The following CRY1 variants were observed in gnomAD, a reference collection of about 807,000 sequenced individuals.
CRY1 encodes cryptochrome-1.
Under a neutral mutation model 76.0 loss-of-function variants are expected in CRY1, and 45 were observed. The ratio of observed to expected loss-of-function variants is 0.59; its 90% CI spans 0.47 to 0.76. The LOEUF is 0.76. Among genes scored for constraint, CRY1 ranks in the 30% least tolerant of loss-of-function variants. The pLI, the probability that CRY1 is intolerant of heterozygous loss-of-function variation, is 0.00. For missense variants in CRY1, 587 were observed against 716.4 expected, an observed-to-expected ratio of 0.82 and a Z score of 2.06; for synonymous variants, 248 against 244.0, an observed-to-expected ratio of 1.02 and a Z score of -0.15.
At chr12:107,011,244 G>A (rs796308350) in intron 2 of CRY1, among the ~76,000 whole-genome samples, 12 of 152,254 alleles carry the variant, frequency 7.9e-5, no homozygotes, top group African/African-American at 2.9e-4. Context: ...CAGCTACTCG[G>A]GAGGCTGAGG....
At chr12:107,055,320 G>GA (rs531331335) in intron 1 of CRY1, among the ~76,000 whole-genome samples, 69 of 151,384 alleles carry the variant, frequency 4.6e-4, no homozygotes, top group African/African-American at 1.5e-3. Context: ...ACAGACCAAA[G>GA]AAAAAAATCA....
At chr12:107,021,748 AC>A (rs1226797433) in intron 2 of CRY1, among the ~76,000 whole-genome samples, 8 of 152,022 alleles carry the variant, frequency 5.3e-5, no homozygotes, top group Non-Finnish European at 7.4e-5. Context: ...ATATACACAC[AC>A]AAAAAATTCT....
chr12:107,079,435 A>C (rs1953296424), intron 1 of CRY1, among the ~76,000 whole-genome samples: 1 of 152,148 alleles, frequency 6.6e-6, no homozygotes. Flanking sequence ...ACATCTTCTG[A>C]GTCCTGGTAT....
intron 3 of CRY1, among the ~76,000 whole-genome samples, chr12:107,003,256 T>TA (rs1296897938): frequency 2.6e-5 from 4 of 152,180 alleles, no homozygotes; most frequent in Admixed American, 6.5e-5. Context: ...AATTATTAAT[T>TA]AAAAAAATAA....
chr12:106,992,920 T>A (rs1333126532), intron 11 of CRY1, 30 bp from the exon 12 acceptor site: 1 of 1,613,818 alleles, frequency 6.2e-7, no homozygotes, highest in South Asian at 1.1e-5. Context: ...ATGTTTAAGA[T>A]AGGAAAAGGA....
chr12:107,049,176 T>G (rs1251935123), intron 1 of CRY1, among the ~76,000 whole-genome samples: 1 of 152,206 alleles, frequency 6.6e-6, no homozygotes, highest in Non-Finnish European at 1.5e-5. Flanking sequence ...CCAGGGCTCC[T>G]CTTCCTTGTT....
intron 1 of CRY1, among the ~76,000 whole-genome samples, chr12:107,051,708 G>T (rs1952923322): frequency 6.6e-6 from 1 of 152,040 alleles, no homozygotes; most frequent in South Asian, 2.1e-4. Context: ...ATCTGTAATA[G>T]AAGTATATAT....
intron 2 of CRY1, among the ~76,000 whole-genome samples, chr12:107,016,493 A>C (rs1228822809): frequency 6.6e-6 from 1 of 152,248 alleles, no homozygotes; most frequent in Non-Finnish European, 1.5e-5. Context: ...TTAAATTGAC[A>C]GTAAATTAAA....
intron 1 of CRY1, among the ~76,000 whole-genome samples, chr12:107,045,495 T>C (rs1396294016): frequency 6.6e-6 from 1 of 152,232 alleles, no homozygotes; most frequent in South Asian, 2.1e-4. Context: ...CTGTCTCTAC[T>C]AAAAATACAA....
In CRY1 at chr12:107,093,160, A is replaced by T. The variant is rs1953497383; in HGVS notation, c.-199T>A. 1.0e-5 allele frequency: 6 copies of T among 592,622 alleles called. No individual in the cohort carries two copies. The highest frequency in any genetic ancestry group is 7.3e-5 in the Admixed American group (2 of 27,512). The allele number at this position is 592,622 out of a possible 1,614,324, so 36.7% of individuals were successfully genotyped here. On this transcript the variant is annotated 5_prime_UTR_variant, in exon 1 of 13. Transcript: ENST00000008527. ...GGAGGCGCAGTGGAAAGATGAATGG[A>T]GGTTGCCTAGTCGGCGGAGTCCGGG...
intron 1 of CRY1, among the ~76,000 whole-genome samples, chr12:107,026,145 C>CAT (rs1468272072): frequency 6.1e-5 from 4 of 66,056 alleles, no homozygotes; most frequent in South Asian, 9.7e-4. Flanking sequence ...ATATATATTA[C>CAT]ATATATATAT....
chr12:107,068,362 A>G (rs1250039118), intron 1 of CRY1, among the ~76,000 whole-genome samples: 1 of 152,122 alleles, frequency 6.6e-6, no homozygotes, highest in Non-Finnish European at 1.5e-5. Context: ...CAGTGCCATG[A>G]TCTTGGCTAA....
At chr12:107,069,724 T>A (rs1254151445) in intron 1 of CRY1, among the ~76,000 whole-genome samples, 1 of 145,552 alleles carries the variant, frequency 6.9e-6, no homozygotes, top group African/African-American at 2.5e-5. Context: ...ATATAAAGTA[T>A]ATATGTAATA....
intron 1 of CRY1, among the ~76,000 whole-genome samples, chr12:107,079,192 C>T (rs1054996979): frequency 6.6e-6 from 1 of 152,146 alleles, no homozygotes; most frequent in Admixed American, 6.5e-5. Context: ...CAGTGAAGCA[C>T]ACTTCAGCTA....
At chr12:107,059,647 A>T (rs1953026006) in intron 1 of CRY1, among the ~76,000 whole-genome samples, 1 of 152,238 alleles carries the variant, frequency 6.6e-6, no homozygotes, top group African/African-American at 2.4e-5. Context: ...TTTAGATATC[A>T]AACAAAATCC....
chr12:107,050,213 G>C (rs778344398), intron 1 of CRY1: 2 of 152,164 alleles, frequency 1.3e-5, no homozygotes, highest in African/African-American at 4.8e-5. Context: ...GGGCTGGGAA[G>C]AAAGATGGCA....
chr12:107,045,597 AG>A (rs1432288621), intron 1 of CRY1, among the ~76,000 whole-genome samples: 1 of 152,206 alleles, frequency 6.6e-6, no homozygotes, highest in Non-Finnish European at 1.5e-5. Flanking sequence ...GGTATTGCCT[AG>A]GTTTTCTTCT....
intron 2 of CRY1, among the ~76,000 whole-genome samples, chr12:107,009,665 T>C (rs1952421495): frequency 6.8e-6 from 1 of 146,560 alleles, no homozygotes; most frequent in Admixed American, 6.8e-5. Flanking sequence ...TTCCAGCACT[T>C]TGGGAAGTCA....
intron 1 of CRY1, among the ~76,000 whole-genome samples, chr12:107,070,044 T>C (rs1018448569): frequency 1.3e-5 from 2 of 152,290 alleles, no homozygotes; most frequent in East Asian, 3.9e-4. Context: ...GAATATAGAC[T>C]TGTTCAGCTA....
Sources: allele counts gnomAD v4.1 joint callset (sites outside exome capture counted in the v4.1 genomes callset), GRCh38; gene constraint gnomAD v4.1.1; transcripts MANE v1.5; gene names NCBI Gene and HGNC (gene_info 2026-07-23, HGNC 2026-07-21).